Variants in NUDT3 observed in about 807,000 individuals in gnomAD.
NUDT3 encodes diphosphoinositol polyphosphate phosphohydrolase 1.
NUDT3 carries 9 observed loss-of-function variants against 23.6 expected under a neutral mutation model. That is an observed-to-expected ratio of 0.38 (90% CI 0.23 to 0.66). The LOEUF is 0.66. Ranked by LOEUF, NUDT3 falls within the 30% of genes least tolerant of loss-of-function variation. NUDT3 has a pLI of 0.52. For synonymous variants in NUDT3, 86 were observed against 82.6 expected (o/e 1.04, Z -0.22); for missense variants, 172 against 218.5 (o/e 0.79, Z 1.34).
chr6:34,317,054 G>A (rs997832340), intron 2 of NUDT3, among the ~76,000 whole-genome samples: 2 of 152,140 alleles, frequency 1.3e-5, no homozygotes, highest in African/African-American at 4.8e-5. Context: ...GAGCCAACAG[G>A]ATTTGCTGAT....
chr6:34,336,252 AAAACAAACAAAC>A (rs371175665), intron 2 of NUDT3, among the ~76,000 whole-genome samples: 1 of 152,044 alleles, frequency 6.6e-6, no homozygotes, highest in African/African-American at 2.4e-5. Context: ...ACTCCATCTC[AAAACAAACAAAC>A]AAACAAACAA....
intron 2 of NUDT3, among the ~76,000 whole-genome samples, chr6:34,310,872 C>T (rs368043437): frequency 6.6e-6 from 1 of 151,818 alleles, no homozygotes; most frequent in Non-Finnish European, 1.5e-5. Flanking sequence ...TGTATTCCAT[C>T]GCATCAACAA....
At chr6:34,343,924 C>T (rs1048523467) in intron 1 of NUDT3, among the ~76,000 whole-genome samples, 2 of 152,068 alleles carry the variant, frequency 1.3e-5, no homozygotes, top group African/African-American at 4.8e-5. Context: ...CTAATAAGCA[C>T]ATGAAAAGAT....
At chr6:34,322,317 G>A (rs375199932) in intron 2 of NUDT3, among the ~76,000 whole-genome samples, 28 of 150,934 alleles carry the variant, frequency 1.9e-4, no homozygotes, top group South Asian at 8.5e-4. Flanking sequence ...TGCAACCTCC[G>A]CCTCCCGGGT....
intron 1 of NUDT3, among the ~76,000 whole-genome samples, chr6:34,362,934 C>T (rs910134635): frequency 3.3e-5 from 5 of 152,124 alleles, no homozygotes; most frequent in African/African-American, 9.7e-5. Context: ...CACCTGTCTC[C>T]GTTTGACTGC....
chr6:34,297,755 AT>A lies in NUDT3; in HGVS notation c.211-2071del, dbSNP rs1561899121. 9.7e-4 allele frequency among the ~76,000 whole-genome samples: 88 copies of A among 90,376 alleles called. 1 individual carries two copies. The highest frequency in any genetic ancestry group is 5.7e-3 in the Middle Eastern group (1 of 176). The allele number at this position is 90,376 out of a possible 152,430, so 59.3% of individuals were successfully genotyped here. A position where few individuals can be genotyped will look rare whatever the true frequency, so the allele number is the denominator to read the frequency against. On this transcript the variant is annotated intron_variant, in intron 2 of 4. Coordinates refer to ENST00000607016, the MANE Select transcript of NUDT3 (RefSeq NM_006703.4). Reference sequence around the variant, plus strand: ...AATATATATATATATATATATATATATATAATTTTTTTTTTTTTTTTAGTAG... The same window carrying A: ...AATATATATATATATATATATATATAATAATTTTTTTTTTTTTTTTAGTAG...
chr6:34,311,210 A>G (rs1354584588), intron 2 of NUDT3, among the ~76,000 whole-genome samples: 1 of 152,244 alleles, frequency 6.6e-6, no homozygotes, highest in African/African-American at 2.4e-5. Context: ...AAATTGTGAA[A>G]TTAAAACAAT....
chr6:34,382,780 A>G (rs1765043614), intron 1 of NUDT3, among the ~76,000 whole-genome samples: 1 of 151,800 alleles, frequency 6.6e-6, no homozygotes, highest in Non-Finnish European at 1.5e-5. Context: ...GCAGTTAGCC[A>G]TGACTGCATC....
intron 2 of NUDT3, among the ~76,000 whole-genome samples, chr6:34,301,004 T>G (rs1167557982): frequency 6.6e-6 from 1 of 152,258 alleles, no homozygotes; most frequent in Non-Finnish European, 1.5e-5. Flanking sequence ...AAAAAGGTAT[T>G]TTACCTTCTA....
intron 1 of NUDT3, among the ~76,000 whole-genome samples, chr6:34,382,320 T>C (rs1765033368): frequency 6.6e-6 from 1 of 150,496 alleles, no homozygotes; most frequent in African/African-American, 2.4e-5. Context: ...AGAGCATCAC[T>C]TGCGCCCGGA....
At position 34,288,857 on chromosome 6, in the gene NUDT3, A is replaced by C; in HGVS notation, c.415T>G (p.Tyr139Asp). ...LQYHKPVQAS[Y>D]FETLRQGYSA... is the part of the protein sequence containing the mutation. ...TAGCCTTGCCTCAATGTTTCAAAAT[A>C]TGATGCCTGCACGGGTTTGTGATAC... Residue 139 changes from tyrosine to aspartate, a missense_variant, in exon 5 of 5, where the codon TAT (tyrosine) becomes GAT (aspartate). Around this residue, in one of 3 missense-constraint regions of NUDT3, gnomAD observed 63 missense variants for 64.9 expected, o/e 0.97. Transcript: ENST00000607016. The C allele has an allele frequency of 6.2e-7, 1 of 1,614,136 alleles. No individual in the cohort carries two copies. The highest frequency in any genetic ancestry group is 8.5e-7 in the Non-Finnish European group (1 of 1,180,028).
intron 1 of NUDT3, among the ~76,000 whole-genome samples, chr6:34,382,072 CAAAA>C (rs957166787): frequency 2.9e-5 from 1 of 34,960 alleles, no homozygotes; most frequent in Admixed American, 3.7e-4. Flanking sequence ...GACTCTATCT[CAAAA>C]AAAAAAAAAA....
At chr6:34,310,510 CAG>C (rs1445280797) in intron 2 of NUDT3, among the ~76,000 whole-genome samples, 4 of 152,132 alleles carry the variant, frequency 2.6e-5, no homozygotes, top group Non-Finnish European at 5.9e-5. Flanking sequence ...GCCTGGGCAA[CAG>C]AGTGAGACTC....
chr6:34,321,603 T>C (rs969368348), intron 2 of NUDT3, among the ~76,000 whole-genome samples: 5 of 152,120 alleles, frequency 3.3e-5, no homozygotes, highest in Non-Finnish European at 5.9e-5. Context: ...ATTTTTCGCT[T>C]ATTATTTCTT....
At chr6:34,341,090 G>A (rs1017354939) in intron 2 of NUDT3, among the ~76,000 whole-genome samples, 5 of 152,152 alleles carry the variant, frequency 3.3e-5, no homozygotes, top group Non-Finnish European at 5.9e-5. Context: ...TGGCCAGGGC[G>A]AGTAAACTGG....
At chr6:34,289,934 C>G (rs537601696) in intron 4 of NUDT3, among the ~76,000 whole-genome samples, 1 of 152,274 alleles carries the variant, frequency 6.6e-6, no homozygotes, top group South Asian at 2.1e-4. Flanking sequence ...TTCAGGTACT[C>G]TGAATCCTGA....
At chr6:34,376,884 C>A (rs927706294) in intron 1 of NUDT3, among the ~76,000 whole-genome samples, 2 of 152,140 alleles carry the variant, frequency 1.3e-5, no homozygotes, top group Admixed American at 6.6e-5. Context: ...CCTTATCACT[C>A]CCCATCAATA....
intron 2 of NUDT3, among the ~76,000 whole-genome samples, chr6:34,339,281 A>G (rs577371579): frequency 7.9e-5 from 12 of 152,314 alleles, no homozygotes; most frequent in Admixed American, 2.6e-4. Flanking sequence ...TGAGTTTAGG[A>G]AAAGTGCTTT....
At position 34,281,688 on chromosome 6, in the gene NUDT3, T is replaced by G. The variant is rs1763281216; in HGVS notation, c.*7065A>C. 1 of 152,248 alleles carries G rather than the reference T, an allele frequency of 6.6e-6. No homozygotes were observed. Among genetic ancestry groups the G allele is most frequent in the African/African-American group, 2.4e-5 (1 of 41,470 alleles). 9.4% of individuals were successfully genotyped at this position (152,248 alleles called of 1,614,324 possible). On this transcript the variant is annotated 3_prime_UTR_variant, in exon 5 of 5. Transcript: ENST00000607016. ...ACTGGGCCCTGGACTCTGATGTTTC[T>G]GATCCCTGAGCAACACATCTATGTC...
Sources: gnomAD v4.1 joint callset for allele counts (sites outside exome capture counted in the v4.1 genomes callset) on GRCh38, gnomAD v4.1.1 for gene constraint, gnomAD v4.1.1 regional missense constraint, MANE v1.5 for transcripts, NCBI Gene and HGNC (gene_info 2026-07-23, HGNC 2026-07-21) for gene names.